The following LRRC1 variants were observed in gnomAD, a reference collection of about 807,000 sequenced individuals.
LRRC1 encodes the protein leucine rich repeat containing 1, also known as leucine-rich repeat-containing protein 1.
A neutral mutation model predicts 69.9 loss-of-function variants in LRRC1; 28 were observed. The ratio of observed to expected loss-of-function variants is 0.40; its 90% CI spans 0.30 to 0.55. The LOEUF is 0.55. LRRC1 is among the 20% of genes least tolerant of loss of function. The probability of loss-of-function intolerance (pLI) is 0.47; values close to 1 mark genes in which losing one functional copy is unlikely to be tolerated. For missense variants in LRRC1, 498 were observed against 609.0 expected (o/e 0.82, Z 1.92); for synonymous variants, 236 against 240.2 (o/e 0.98, Z 0.16).
chr6:53,856,465 A>G (rs1180948065), intron 2 of LRRC1, among the ~76,000 whole-genome samples: 53 of 152,318 alleles, frequency 3.5e-4, no homozygotes, highest in Non-Finnish European at 1.2e-4. Flanking sequence ...AGCAGTATCA[A>G]AAAGACTTCC....
At chr6:53,882,082 C>T (rs6901644) in intron 3 of LRRC1, among the ~76,000 whole-genome samples, 135,349 of 152,254 alleles carry the variant, frequency 0.89, 60,488 homozygotes, top group African/African-American at 0.98. Flanking sequence ...GTCGCGGTGG[C>T]TCACACCTGT....
intron 7 of LRRC1, 135 bp downstream of exon 7, chr6:53,897,494 G>C (rs1279324074): frequency 1.7e-6 from 1 of 588,768 alleles, no homozygotes; most frequent in Non-Finnish European, 2.9e-6. Context: ...AGGCACATTT[G>C]GAAAAAACAT....
At position 53,795,472 on chromosome 6, in the gene LRRC1, C is replaced by T. The variant is rs928330969; in HGVS notation, c.159+57C>T. 3.9e-6 allele frequency: 6 copies of T among 1,531,042 alleles called. No homozygotes were observed. In the African/African-American group the frequency reaches 8.2e-5, roughly 21 times the overall value. The allele number at this position is 1,531,042 out of a possible 1,614,324, so 94.8% of individuals were successfully genotyped here. ...CCGCTCGTCTGCTGTCCCTTCCGCT[C>T]CCATCCTCTCTCGTCCCCTCTTCCA... On this transcript the variant is annotated intron_variant, in intron 1 of 13. Coordinates refer to ENST00000370888, the MANE Select transcript of LRRC1 (RefSeq NM_018214.5).
intron 2 of LRRC1, among the ~76,000 whole-genome samples, chr6:53,845,202 TCAAA>T (rs1341862271): frequency 6.6e-6 from 1 of 152,118 alleles, no homozygotes; most frequent in East Asian, 1.9e-4. Context: ...AGACTCCGTC[TCAAA>T]CAAACAAAAG....
intron 4 of LRRC1, among the ~76,000 whole-genome samples, chr6:53,891,081 A>C (rs1488023412): frequency 1.3e-5 from 2 of 152,242 alleles, no homozygotes; most frequent in African/African-American, 4.8e-5. Context: ...CTTACAAAAG[A>C]GTGCAACTTT....
chr6:53,833,926 G>T (rs1335546268), intron 1 of LRRC1, among the ~76,000 whole-genome samples: 9 of 152,160 alleles, frequency 5.9e-5, no homozygotes, highest in Non-Finnish European at 8.8e-5. Context: ...AAGTATTTGT[G>T]ATTCTCTGGA....
At position 53,839,011 on chromosome 6, in the gene LRRC1, TTCTTTTTA is replaced by T. The variant is rs1297231146; in HGVS notation, c.160-3098_160-3091del. 2.0e-5 allele frequency among the ~76,000 whole-genome samples: 3 copies of T among 152,172 alleles called. No homozygotes were observed. In the East Asian group the frequency reaches 5.8e-4, roughly 29 times the overall value. On this transcript the variant is annotated intron_variant, in intron 1 of 13. Coordinates refer to ENST00000370888, the MANE Select transcript of LRRC1 (RefSeq NM_018214.5). Reference sequence around the variant, plus strand: ...AATGTAGTGTATCAGCAATTTTGTTTTCTTTTTAAGTTATATTTGCATGGTAAATCTTT... The same window carrying T: ...AATGTAGTGTATCAGCAATTTTGTTTAGTTATATTTGCATGGTAAATCTTT...
At chr6:53,900,878 C>T (rs1208624005) in intron 8 of LRRC1, among the ~76,000 whole-genome samples, 2 of 152,152 alleles carry the variant, frequency 1.3e-5, no homozygotes, top group Non-Finnish European at 2.9e-5. Flanking sequence ...GGATTGCTGT[C>T]TTTAATTTTA....
intron 2 of LRRC1, among the ~76,000 whole-genome samples, chr6:53,856,079 A>G (rs999362813): frequency 1.3e-5 from 2 of 152,210 alleles, no homozygotes; most frequent in African/African-American, 4.8e-5. Flanking sequence ...TAGGGATCCA[A>G]ATTGTAAGAG....
chr6:53,920,564 C>G, intron 12 of LRRC1, 61 bp from the exon 13 acceptor site: 1 of 1,602,872 alleles, frequency 6.2e-7, no homozygotes. Flanking sequence ...CCGCAAAGTT[C>G]ATAGCATTTA....
chr6:53,828,119 A>T (rs2127411396), intron 1 of LRRC1, among the ~76,000 whole-genome samples: 1 of 148,150 alleles, frequency 6.7e-6, no homozygotes, highest in African/African-American at 2.5e-5. Context: ...CTAGAAATGG[A>T]TGTTTGGAAT....
chr6:53,902,853 A>G, intron 9 of LRRC1, 106 bp downstream of exon 9: 1 of 711,240 alleles, frequency 1.4e-6, no homozygotes, highest in Non-Finnish European at 2.3e-6. Context: ...ACATCCCAAA[A>G]CGGTCTTACA....
At chr6:53,908,479 C>A (rs1289828882) in intron 10 of LRRC1, among the ~76,000 whole-genome samples, 1 of 152,044 alleles carries the variant, frequency 6.6e-6, no homozygotes, top group Admixed American at 6.6e-5. Flanking sequence ...ATTCAAAATT[C>A]TTTCAGTATA....
chr6:53,900,035 T>G lies in LRRC1; in HGVS notation c.787+144T>G, dbSNP rs1207507025. On this transcript the variant is annotated intron_variant, in intron 8 of 13. Coordinates refer to ENST00000370888, the MANE Select transcript of LRRC1 (RefSeq NM_018214.5). ...TCTCCTTACTGTTTTTTTTTTTTTT[T>G]TTTTTTTTTTTTTTTTTTCTGAGAT... 1.4e-3 allele frequency: 878 copies of G among 607,160 alleles called. 3 individuals are homozygous for G. Among genetic ancestry groups the G allele is most frequent in the South Asian group, 3.1e-3 (108 of 34,318 alleles). The allele number at this position is 607,160 out of a possible 1,614,324, so 37.6% of individuals were successfully genotyped here. A position where few individuals can be genotyped will look rare whatever the true frequency, so the allele number is the denominator to read the frequency against.
chr6:53,901,816 T>C (rs1768065747), intron 8 of LRRC1, among the ~76,000 whole-genome samples: 1 of 152,226 alleles, frequency 6.6e-6, no homozygotes, highest in African/African-American at 2.4e-5. Flanking sequence ...AGCTTAAGAA[T>C]TGGTTCCTTC....
intron 2 of LRRC1, among the ~76,000 whole-genome samples, chr6:53,870,836 T>C (rs2127426874): frequency 6.6e-6 from 1 of 152,334 alleles, no homozygotes; most frequent in East Asian, 1.9e-4. Context: ...TTCAACTTGC[T>C]ACTTCTATGA....
chr6:53,836,357 G>A (rs999222818), intron 1 of LRRC1, among the ~76,000 whole-genome samples: 1 of 152,218 alleles, frequency 6.6e-6, no homozygotes, highest in Non-Finnish European at 1.5e-5. Flanking sequence ...ACTTATATGC[G>A]TAGGTATCAG....
At chr6:53,814,673 C>T (rs1037158313) in intron 1 of LRRC1, among the ~76,000 whole-genome samples, 13 of 152,182 alleles carry the variant, frequency 8.5e-5, no homozygotes, top group Non-Finnish European at 1.6e-4. Flanking sequence ...TCCAGACATG[C>T]TATATTTATT....
At chr6:53,878,770 A>C (rs1189983226) in intron 2 of LRRC1, among the ~76,000 whole-genome samples, 1 of 152,202 alleles carries the variant, frequency 6.6e-6, no homozygotes, top group East Asian at 1.9e-4. Flanking sequence ...ATTTTGTCAG[A>C]GATTTGATGT....
Sources: gnomAD v4.1 joint callset for allele counts (sites outside exome capture counted in the v4.1 genomes callset) on GRCh38, gnomAD v4.1.1 for gene constraint, MANE v1.5 for transcripts, NCBI Gene and HGNC (gene_info 2026-07-23, HGNC 2026-07-21) for gene names.